Variants in NDUFA10 observed in about 807,000 individuals in gnomAD.
NDUFA10 encodes the protein NADH:ubiquinone oxidoreductase subunit A10, also known as NADH dehydrogenase [ubiquinone] 1 alpha subcomplex subunit 10, mitochondrial.
In NDUFA10, 40 loss-of-function variants were observed where a neutral mutation model predicts 47.8. That is an observed-to-expected ratio of 0.84 (90% confidence interval 0.65 to 1.09). NDUFA10 has a LOEUF of 1.09. Among genes scored for constraint, NDUFA10 ranks in the 50% least tolerant of loss-of-function variants. The probability of loss-of-function intolerance (pLI) is 0.00; values close to 1 mark genes in which losing one functional copy is unlikely to be tolerated. For missense variants in NDUFA10, 413 were observed against 451.1 expected, an observed-to-expected ratio of 0.92 and a Z score of 0.76; for synonymous variants, 183 against 172.2, an observed-to-expected ratio of 1.06 and a Z score of -0.49.
chr2:239,910,934 C>A (rs1004219885), intron 4 of NDUFA10, among the ~76,000 whole-genome samples: 2 of 152,216 alleles, frequency 1.3e-5, no homozygotes, highest in Non-Finnish European at 2.9e-5. Flanking sequence ...CCGTCCTGAG[C>A]AGAGAGTCCT....
In NDUFA10 at chr2:240,010,246, A is replaced by G. The variant is rs1206419544; in HGVS notation, c.749+1371T>C. ...AGATCTACTTTAACAATGAACAGAG[A>G]CTGTATCTGTTCCTAAAACAGGAGT... On this transcript the variant is annotated intron_variant, in intron 6 of 9. Coordinates refer to ENST00000252711, the MANE Select transcript of NDUFA10 (RefSeq NM_004544.4). Among the ~76,000 whole-genome samples, 3 of 152,194 alleles carry G rather than the reference A, an allele frequency of 2.0e-5. No homozygotes were observed. The East Asian group carries it at 5.8e-4, about 29-fold the overall frequency.
chr2:239,929,725 T>C (rs1311212662), intron 4 of NDUFA10, among the ~76,000 whole-genome samples: 5 of 81,588 alleles, frequency 6.1e-5, no homozygotes, highest in Admixed American at 2.7e-4. Context: ...CGGCCCTGCT[T>C]CTCCACCAGC....
chr2:239,910,576 A>G (rs1489070259), intron 4 of NDUFA10, among the ~76,000 whole-genome samples: 1 of 151,988 alleles, frequency 6.6e-6, no homozygotes, highest in African/African-American at 2.4e-5. Flanking sequence ...GGTGTTGAGG[A>G]AGGGAGAGGA....
intron 4 of NDUFA10, among the ~76,000 whole-genome samples, chr2:239,911,739 C>T (rs1216750869): frequency 1.3e-5 from 2 of 151,242 alleles, no homozygotes; most frequent in Non-Finnish European, 2.9e-5. Flanking sequence ...CCCTCTCTTC[C>T]TTCCCCCAGC....
chr2:239,994,720 G>A (rs556768393), intron 8 of NDUFA10, among the ~76,000 whole-genome samples: 1 of 152,106 alleles, frequency 6.6e-6, no homozygotes, highest in Admixed American at 6.6e-5. Flanking sequence ...AGTTTAAAGA[G>A]AAGGTGGAGG....
At chr2:240,008,747 G>A (rs78746126) in intron 6 of NDUFA10, among the ~76,000 whole-genome samples, 3,480 of 152,342 alleles carry the variant, frequency 0.023, 65 homozygotes, top group Non-Finnish European at 0.034. Context: ...CAGGAGCCAG[G>A]TGCTGTGTGG....
intron 4 of NDUFA10, among the ~76,000 whole-genome samples, chr2:239,939,206 G>A (rs1380980993): frequency 6.6e-6 from 1 of 152,146 alleles, no homozygotes; most frequent in Non-Finnish European, 1.5e-5. Flanking sequence ...GGAAAGGGAG[G>A]CCTGGGGGTC....
At chr2:240,003,236 C>T (rs1696796867) in intron 8 of NDUFA10, among the ~76,000 whole-genome samples, 1 of 151,852 alleles carries the variant, frequency 6.6e-6, no homozygotes. Context: ...TCTGGTCATC[C>T]TAGGAGACTA....
intron 4 of NDUFA10, among the ~76,000 whole-genome samples, chr2:239,939,870 C>T (rs374705436): frequency 1.1e-4 from 16 of 152,236 alleles, no homozygotes; most frequent in East Asian, 7.7e-4. Context: ...CTCCTGGAAC[C>T]GGCTGCAGTG....
At chr2:239,924,013 T>C (rs1694031557) in intron 4 of NDUFA10, among the ~76,000 whole-genome samples, 1 of 152,132 alleles carries the variant, frequency 6.6e-6, no homozygotes, top group Non-Finnish European at 1.5e-5. Context: ...GATCAATTAC[T>C]TGAAAACTAC....
rs1370998749 is a variant in NDUFA10, at chr2:239,929,946, CCTCCGCTGCCCCTGCTT to C, written c.295-34649_295-34633del. Among the ~76,000 whole-genome samples the C allele has an allele frequency of 2.5e-3, 340 of 137,862 alleles. 8 individuals carry two copies. Among genetic ancestry groups the C allele is most frequent in the East Asian group, 6.0e-3 (26 of 4,366 alleles). 90.4% of individuals were successfully genotyped at this position (137,862 alleles called of 152,430 possible). The stretch of plus-strand genomic sequence containing the variant: ...CCCCTGCTCCTCCACTGCCCCTGCT[CCTCCGCTGCCCCTGCTT>C]CTCCACCGCCCCTGCTCCTCAGCCA... On this transcript the variant is annotated intron_variant, in intron 4 of 5. Coordinates refer to the NDUFA10 transcript ENST00000419408.
At chr2:240,001,381 C>T (rs755558455) in intron 8 of NDUFA10, among the ~76,000 whole-genome samples, 117 of 152,304 alleles carry the variant, frequency 7.7e-4, no homozygotes, top group Non-Finnish European at 1.4e-3. Flanking sequence ...ATAACATAGT[C>T]CCTAAAACTT....
At chr2:239,893,149 G>T (rs924860072) in intron 5 of NDUFA10, among the ~76,000 whole-genome samples, 3 of 152,318 alleles carry the variant, frequency 2.0e-5, no homozygotes, top group African/African-American at 7.2e-5. Context: ...TTCCCCACCA[G>T]GCAAACCCAA....
chr2:239,987,701 G>A lies in NDUFA10; in HGVS notation c.999+2373C>T, dbSNP rs761377274. ...AAGGCCAAGGATGCTACATGCAGGC[G>A]CAGCGCCCAGGGAAGGGGTGGGCAG... On this transcript the variant is annotated intron_variant, in intron 9 of 9. Coordinates refer to ENST00000252711, the MANE Select transcript of NDUFA10 (RefSeq NM_004544.4). The surrounding 1 kb of genome is among the most constrained non-coding windows in gnomAD (Gnocchi z 4.8). Among the ~76,000 whole-genome samples the A allele has an allele frequency of 6.6e-5, 10 of 152,274 alleles. No homozygotes were observed. The highest frequency in any genetic ancestry group is 2.1e-4 in the South Asian group (1 of 4,814).
Position 239,898,954 on chromosome 2 carries a change from G to A in NDUFA10, c.295-3640C>T, listed in dbSNP as rs866369380. 5.9e-3 allele frequency among the ~76,000 whole-genome samples: 650 copies of A among 109,464 alleles called. 1 individual carries two copies. Among genetic ancestry groups the A allele is most frequent in the Middle Eastern group, 0.011 (2 of 176 alleles). The allele number at this position is 109,464 out of a possible 152,430, so 71.8% of individuals were successfully genotyped here. ...GGGGTGTGACGGAGGGGTGTGGAGG[G>A]GTGTGGCAGGGTGTGATGAAGAGGT... is the stretch of plus-strand genomic sequence containing the variant. On this transcript the variant is annotated intron_variant, in intron 4 of 5. Transcript: ENST00000419408.
chr2:240,003,001 C>T (rs560428883), intron 8 of NDUFA10, among the ~76,000 whole-genome samples: 2 of 152,178 alleles, frequency 1.3e-5, no homozygotes, highest in East Asian at 3.9e-4. Context: ...AGGCATGCAC[C>T]ACCATACCCA....
intron 4 of NDUFA10, among the ~76,000 whole-genome samples, chr2:239,909,857 G>A (rs1053758794): frequency 5.3e-5 from 8 of 151,002 alleles, no homozygotes; most frequent in African/African-American, 1.2e-4. Context: ...CTACCCATCC[G>A]ACAAAGATCT....
chr2:239,919,168 C>T (rs1024157920), intron 4 of NDUFA10, among the ~76,000 whole-genome samples: 1 of 152,214 alleles, frequency 6.6e-6, no homozygotes, highest in African/African-American at 2.4e-5. Flanking sequence ...GTCCCTGCTC[C>T]AGCCACCATG....
intron 4 of NDUFA10, among the ~76,000 whole-genome samples, chr2:239,914,898 T>C (rs370330927): frequency 4.5e-5 from 6 of 132,942 alleles, no homozygotes; most frequent in Non-Finnish European, 6.2e-5. Flanking sequence ...TACACACACA[T>C]ACATACTCAG....
Sources: gnomAD v4.1 joint callset for allele counts (sites outside exome capture counted in the v4.1 genomes callset) on GRCh38, gnomAD v4.1.1 for gene constraint, Gnocchi (gnomAD v3.1) non-coding constraint, MANE v1.5 for transcripts, NCBI Gene and HGNC (gene_info 2026-07-23, HGNC 2026-07-21) for gene names.